The following SAMMSON variants were observed in gnomAD, a reference collection of about 807,000 sequenced individuals.
SAMMSON encodes the protein survival associated mitochondrial melanoma specific oncogenic non-coding RNA, also known as long intergenic non-protein coding RNA 1212.
At chr3:70,202,351 G>A (rs545613511) in intron 4 of SAMMSON, among the ~76,000 whole-genome samples, 1 of 152,296 alleles carries the variant, frequency 6.6e-6, no homozygotes, top group African/African-American at 2.4e-5. Flanking sequence ...ACAACAGTTA[G>A]TACTAGTGGT....
At chr3:70,096,558 T>A (rs576239441) in intron 4 of SAMMSON, among the ~76,000 whole-genome samples, 7 of 152,188 alleles carry the variant, frequency 4.6e-5, no homozygotes, top group African/African-American at 1.4e-4. Context: ...AGAGAGAGTC[T>A]GCTAACAAGA....
At chr3:70,011,445 A>T (rs1348054779) in intron 1 of SAMMSON, among the ~76,000 whole-genome samples, 4 of 152,070 alleles carry the variant, frequency 2.6e-5, no homozygotes, top group African/African-American at 4.8e-5. Flanking sequence ...ATATGTGGGT[A>T]AGGAGAGTTT....
chr3:70,284,839 C>A (rs1167172428), intron 6 of SAMMSON, among the ~76,000 whole-genome samples: 1 of 152,136 alleles, frequency 6.6e-6, no homozygotes, highest in East Asian at 1.9e-4. Context: ...GTATAACAAA[C>A]CCCCATGACA....
At chr3:70,412,615 T>G (rs1046675677) in intron 2 of SAMMSON, among the ~76,000 whole-genome samples, 2 of 152,174 alleles carry the variant, frequency 1.3e-5, no homozygotes, top group African/African-American at 4.8e-5. Context: ...CAACAGCACA[T>G]TCATGGTATT....
At chr3:70,072,768 T>C (rs1222769315) in intron 4 of SAMMSON, 1 of 151,768 alleles carries the variant, frequency 6.6e-6, no homozygotes, top group African/African-American at 2.4e-5. Context: ...AAATACGTGA[T>C]ACACATTTAA....
At chr3:70,253,295 T>C (rs1701786317) in intron 6 of SAMMSON, among the ~76,000 whole-genome samples, 1 of 151,986 alleles carries the variant, frequency 6.6e-6, no homozygotes, top group Non-Finnish European at 1.5e-5. Flanking sequence ...ATTTTATTTA[T>C]GGGGAATGGG....
At chr3:70,039,913 A>C (rs1209146066) in intron 3 of SAMMSON, among the ~76,000 whole-genome samples, 1 of 152,120 alleles carries the variant, frequency 6.6e-6, no homozygotes, top group Non-Finnish European at 1.5e-5. Flanking sequence ...ATGGAATTAA[A>C]TTTATTTTAG....
intron 3 of SAMMSON, among the ~76,000 whole-genome samples, chr3:70,020,406 A>G (rs2067008296): frequency 1.3e-5 from 2 of 152,180 alleles, no homozygotes; most frequent in African/African-American, 4.8e-5. Flanking sequence ...GAAATTATGC[A>G]AATGCTCTGG....
At chr3:70,305,245 A>G (rs1042981491) in intron 7 of SAMMSON, among the ~76,000 whole-genome samples, 4 of 152,154 alleles carry the variant, frequency 2.6e-5, no homozygotes, top group South Asian at 2.1e-4. Context: ...GGCTATGCTT[A>G]AAAACAAAAC....
chr3:70,328,928 A>C (rs1050507568), intron 7 of SAMMSON, among the ~76,000 whole-genome samples: 2 of 152,174 alleles, frequency 1.3e-5, no homozygotes, highest in African/African-American at 2.4e-5. Context: ...AACTTGAGAG[A>C]AAATGACACA....
At chr3:70,009,831 A>G (rs1399906041) in intron 1 of SAMMSON, among the ~76,000 whole-genome samples, 3 of 150,370 alleles carry the variant, frequency 2.0e-5, no homozygotes, top group African/African-American at 5.0e-5. Context: ...AGATTCTGGT[A>G]TGTTGTGTCT....
At chr3:70,333,549 C>A (rs1468796999) in intron 7 of SAMMSON, among the ~76,000 whole-genome samples, 1 of 152,076 alleles carries the variant, frequency 6.6e-6, no homozygotes, top group African/African-American at 2.4e-5. Context: ...GAAAACATAA[C>A]CTTTTACAGA....
chr3:70,177,151 A>T (rs562219477), intron 4 of SAMMSON, among the ~76,000 whole-genome samples: 2 of 152,360 alleles, frequency 1.3e-5, no homozygotes, highest in East Asian at 3.9e-4. Context: ...GTGAAAGAAA[A>T]TATGGAAAGA....
At chr3:70,220,304 G>A (rs757725895) in intron 4 of SAMMSON, among the ~76,000 whole-genome samples, 45 of 152,062 alleles carry the variant, frequency 3.0e-4, no homozygotes, top group Admixed American at 7.9e-4. Context: ...AGTGTCTCAT[G>A]CCTGTAATCC....
chr3:70,111,345 A>G (rs1404372465), intron 4 of SAMMSON, among the ~76,000 whole-genome samples: 1 of 152,204 alleles, frequency 6.6e-6, no homozygotes, highest in East Asian at 1.9e-4. Context: ...AATACTGGGA[A>G]TCATCCAGAA....
chr3:70,148,396 T>C (rs368869024), intron 4 of SAMMSON, among the ~76,000 whole-genome samples: 1 of 152,278 alleles, frequency 6.6e-6, no homozygotes, highest in African/African-American at 2.4e-5. Flanking sequence ...CTTGCAGATA[T>C]TCAATTACAG....
intron 6 of SAMMSON, among the ~76,000 whole-genome samples, chr3:70,261,558 TCCAAGGTA>T (rs1413802898): frequency 1.3e-5 from 2 of 152,158 alleles, no homozygotes; most frequent in Non-Finnish European, 2.9e-5. Context: ...CATTGCTAGT[TCCAAGGTA>T]CCATGCTCAC....
chr3:70,048,812 C>T (rs1008549973), intron 3 of SAMMSON, among the ~76,000 whole-genome samples: 5 of 152,104 alleles, frequency 3.3e-5, no homozygotes, highest in African/African-American at 4.8e-5. Flanking sequence ...GAACTCACTT[C>T]ACAGCTAAGA....
chr3:70,192,553 C>A (rs1053857342), intron 4 of SAMMSON, among the ~76,000 whole-genome samples: 4 of 152,132 alleles, frequency 2.6e-5, no homozygotes, highest in Non-Finnish European at 5.9e-5. Context: ...TGGCCTCCCA[C>A]CAAAAAGATA....
Sources: gnomAD v4.1 joint callset for allele counts (sites outside exome capture counted in the v4.1 genomes callset) on GRCh38, gnomAD v4.1.1 for gene constraint, MANE v1.5 for transcripts, NCBI Gene and HGNC (gene_info 2026-07-23, HGNC 2026-07-21) for gene names.